ANKRD30B: variants seen among roughly 807,000 people sequenced by gnomAD.
ANKRD30B encodes ankyrin repeat domain 30B.
Under a neutral mutation model 202.2 loss-of-function variants are expected in ANKRD30B, and 144 were observed. The observed-to-expected ratio is 0.71, with a 90% CI of 0.62 to 0.82. The LOEUF (loss-of-function observed/expected upper bound fraction) is 0.82. Ranked by LOEUF, ANKRD30B falls within the 40% of genes least tolerant of loss-of-function variation. The pLI is 0.00. For synonymous variants in ANKRD30B, 508 were observed against 561.3 expected, an observed-to-expected ratio of 0.91 and a Z score of 1.34; for missense variants, 1,487 against 1,669.1, an observed-to-expected ratio of 0.89 and a Z score of 1.90.
chr18:14,906,737 C>A, the ANKRD30B span, among the ~76,000 whole-genome samples: 2 of 152,028 alleles, frequency 1.3e-5, no homozygotes, highest in Admixed American at 6.6e-5. Context: ...CATTCTGAAC[C>A]ATATAGGAGT....
chr18:14,902,037 A>T, the ANKRD30B span, among the ~76,000 whole-genome samples: 1 of 152,210 alleles, frequency 6.6e-6, no homozygotes, highest in Non-Finnish European at 1.5e-5. Flanking sequence ...CACTTCTTAC[A>T]TGGTGGCACC....
the ANKRD30B span, among the ~76,000 whole-genome samples, chr18:14,909,600 G>A: frequency 6.6e-6 from 1 of 152,098 alleles, no homozygotes; most frequent in African/African-American, 2.4e-5. Flanking sequence ...TACAGATGGA[G>A]TTTCACCATG....
intron 36 of ANKRD30B, among the ~76,000 whole-genome samples, chr18:14,837,928 A>T (rs1971252035): frequency 6.6e-6 from 1 of 152,208 alleles, no homozygotes; most frequent in South Asian, 2.1e-4. Flanking sequence ...AGGCAGGAGA[A>T]TGGCGTGAAC....
chr18:14,886,050 C>T, the ANKRD30B span, among the ~76,000 whole-genome samples: 1 of 152,006 alleles, frequency 6.6e-6, no homozygotes, highest in Non-Finnish European at 1.5e-5. Context: ...TTTCTTTTCT[C>T]CTTTTTGTCA....
intron 7 of ANKRD30B, among the ~76,000 whole-genome samples, chr18:14,768,324 A>C (rs1916570087): frequency 6.6e-6 from 1 of 152,206 alleles, no homozygotes; most frequent in South Asian, 2.1e-4. Flanking sequence ...GCATCTCTTC[A>C]TGTGTCTCCT....
At chr18:14,765,391 A>C (rs978933997) in intron 7 of ANKRD30B, among the ~76,000 whole-genome samples, 4 of 151,750 alleles carry the variant, frequency 2.6e-5, no homozygotes, top group Non-Finnish European at 5.9e-5. Flanking sequence ...TGAACCCAGG[A>C]GGCGGAGGCT....
chr18:14,856,169 G>C (rs1471412675), downstream of ANKRD30B, among the ~76,000 whole-genome samples: 5 of 146,964 alleles, frequency 3.4e-5, no homozygotes, highest in East Asian at 9.9e-4. Flanking sequence ...GCCAGGCAGA[G>C]GCGCTCCTCA....
the ANKRD30B span, chr18:14,877,514 G>A: frequency 8.6e-5 from 13 of 151,688 alleles, no homozygotes; most frequent in African/African-American, 2.9e-4. Context: ...AGTACTTAGC[G>A]CGTTGTGTAG....
At chr18:14,757,689 C>T in intron 4 of ANKRD30B, 126 bp from the exon 5 acceptor site, 1 of 1,029,332 alleles carries the variant, frequency 9.7e-7, no homozygotes. Context: ...TGGTGATTTG[C>T]AAGGATAAAC....
At chr18:14,783,021 T>C (rs571171828) in intron 12 of ANKRD30B, among the ~76,000 whole-genome samples, 1 of 152,278 alleles carries the variant, frequency 6.6e-6, no homozygotes, top group East Asian at 1.9e-4. Flanking sequence ...GGCAAGAATA[T>C]AAAATGATCT....
chr18:14,844,825 T>C (rs1470023542), intron 39 of ANKRD30B, among the ~76,000 whole-genome samples: 1 of 152,074 alleles, frequency 6.6e-6, no homozygotes, highest in Non-Finnish European at 1.5e-5. Context: ...TGCATTTCTC[T>C]GATGGCCAGT....
chr18:14,934,638 A>C, the ANKRD30B span, among the ~76,000 whole-genome samples: 1 of 152,148 alleles, frequency 6.6e-6, no homozygotes, highest in Non-Finnish European at 1.5e-5. Flanking sequence ...GTTGGTATCC[A>C]TGCCAGGCTA....
chr18:14,854,135 G>A (rs1032671815), intron 43 of ANKRD30B, among the ~76,000 whole-genome samples, 57 bp from the exon 44 acceptor site: 1 of 150,730 alleles, frequency 6.6e-6, no homozygotes, highest in Non-Finnish European at 1.5e-5. Context: ...TCTTTATAAT[G>A]TGCTTATTTT....
chr18:14,808,598 C>G lies in ANKRD30B; in HGVS notation c.2313+19C>G. 6.4e-7 allele frequency: 1 copy of G among 1,573,558 alleles called. No individual in the cohort carries two copies. The highest frequency in any genetic ancestry group is 1.1e-5 in the South Asian group (1 of 88,060). ...TCTGAAGGTAATTACTTTTATATTT[C>G]TATGTTGAATATTAACTACATATTT... On this transcript the variant is annotated intron_variant, in intron 25 of 43. Transcript: ENST00000690538.
chr18:14,920,298 T>C, the ANKRD30B span, among the ~76,000 whole-genome samples: 1 of 152,274 alleles, frequency 6.6e-6, no homozygotes, highest in Non-Finnish European at 1.5e-5. Flanking sequence ...GACGCTCAAC[T>C]GACTCACTTT....
intron 30 of ANKRD30B, among the ~76,000 whole-genome samples, chr18:14,819,740 G>C (rs1271699080): frequency 6.6e-6 from 1 of 152,248 alleles, no homozygotes; most frequent in South Asian, 2.1e-4. Flanking sequence ...TTCGGTACCA[G>C]TACCATGCTG....
chr18:14,807,086 T>G lies in ANKRD30B; in HGVS notation c.2285-1465T>G, dbSNP rs141188490. 1.7e-3 allele frequency among the ~76,000 whole-genome samples: 257 copies of G among 151,184 alleles called. 9 individuals carry two copies. The highest frequency in any genetic ancestry group is 0.01 in the Middle Eastern group (3 of 292). The stretch of plus-strand genomic sequence containing the variant: ...GCCTTAAAATGCTTGCACATAAATT[T>G]TGTGTGTTTTAGAGAGTTTATGTCC... On this transcript the variant is annotated intron_variant, in intron 24 of 43. Coordinates refer to ENST00000690538, the MANE Select transcript of ANKRD30B (RefSeq NM_001367607.2).
intron 8 of ANKRD30B, among the ~76,000 whole-genome samples, 155 bp downstream of exon 8, chr18:14,769,528 A>G (rs887941558): frequency 1.3e-5 from 2 of 152,260 alleles, no homozygotes; most frequent in African/African-American, 2.4e-5. Flanking sequence ...TTTGCAAAGC[A>G]TCTGTGCTAC....
At chr18:14,765,798 T>G (rs1265863853) in intron 7 of ANKRD30B, among the ~76,000 whole-genome samples, 2 of 152,212 alleles carry the variant, frequency 1.3e-5, no homozygotes, top group Admixed American at 1.3e-4. Context: ...TATGAAAATT[T>G]GACCCTTCCA....
Sources: gnomAD v4.1 joint callset for allele counts (sites outside exome capture counted in the v4.1 genomes callset) on GRCh38, gnomAD v4.1.1 for gene constraint, MANE v1.5 for transcripts, NCBI Gene and HGNC (gene_info 2026-07-23, HGNC 2026-07-21) for gene names.